The following SUN3 variants were observed in gnomAD, a reference collection of about 807,000 sequenced individuals.
The protein encoded by SUN3 is SUN domain-containing protein 3.
In SUN3, 36 loss-of-function variants were observed where a neutral mutation model predicts 48.2. The observed-to-expected ratio is 0.75, with a 90% CI of 0.57 to 0.99. The LOEUF is 0.99. Ranked by LOEUF, SUN3 falls within the 50% of genes least tolerant of loss-of-function variation. The pLI is 0.00. For missense variants in SUN3, 419 were observed against 433.1 expected, an observed-to-expected ratio of 0.97 and a Z score of 0.29; for synonymous variants, 148 against 147.9, an observed-to-expected ratio of 1.00 and a Z score of 0.00.
chr7:48,017,353 T>C lies in SUN3; in HGVS notation c.197A>G (p.His66Arg). The C allele has an allele frequency of 1.3e-6, 2 of 1,595,930 alleles. No homozygotes were observed. Among genetic ancestry groups the C allele is most frequent in the Non-Finnish European group, 1.7e-6 (2 of 1,167,114 alleles). The change falls in exon 3 of 10, where the codon CAT becomes CGT. Residue 66 changes from histidine (H) to arginine (R), a missense_variant. Coordinates refer to ENST00000297325, the MANE Select transcript of SUN3 (RefSeq NM_001030019.2). Reference protein sequence around the residue: ...LTFLLVGLLNHQWLKETDVPQ... With the variant: ...LTFLLVGLLNRQWLKETDVPQ... ...AACATCTGTTTCTTTAAGCCACTGA[T>C]GATTTAGGAGTCCTGTTAAAGAAAA...
chr7:48,031,286 C>T (rs578058713), upstream of SUN3, among the ~76,000 whole-genome samples: 216 of 152,284 alleles, frequency 1.4e-3, 1 homozygote, highest in African/African-American at 4.8e-3. Flanking sequence ...AAAAGCTACT[C>T]AACATCATTA....
intron 6 of SUN3, among the ~76,000 whole-genome samples, chr7:47,999,019 C>T (rs79632149): frequency 0.024 from 3,719 of 152,180 alleles, 149 homozygotes; most frequent in African/African-American, 0.085. Flanking sequence ...AAATGGTTGT[C>T]AATTTCTACA....
intron 1 of SUN3, 67 bp from the exon 2 acceptor site, chr7:48,026,005 G>A (rs2128784482): frequency 9.5e-7 from 1 of 1,047,278 alleles, no homozygotes. Flanking sequence ...TTGGACTTTA[G>A]CCACTACACT....
intron 1 of SUN3, among the ~76,000 whole-genome samples, chr7:48,026,573 CA>C (rs376494823): frequency 5.0e-4 from 65 of 128,740 alleles, no homozygotes; most frequent in African/African-American, 1.6e-3. Flanking sequence ...AATTGCACCC[CA>C]CCCCCCAACA....
chr7:48,011,420 CCTTG>C (rs989613637), intron 3 of SUN3, among the ~76,000 whole-genome samples: 1 of 152,116 alleles, frequency 6.6e-6, no homozygotes, highest in Non-Finnish European at 1.5e-5. Flanking sequence ...AAAAATATTG[CCTTG>C]CTTTTGTTCT....
chr7:48,007,866 C>T (rs1235581404), intron 4 of SUN3, among the ~76,000 whole-genome samples: 2 of 151,820 alleles, frequency 1.3e-5, no homozygotes, highest in African/African-American at 4.8e-5. Context: ...CTCTGTCCCC[C>T]AGGCTGGAGT....
At chr7:48,003,030 T>C (rs79775865) in intron 6 of SUN3, among the ~76,000 whole-genome samples, 25 of 77,392 alleles carry the variant, frequency 3.2e-4, no homozygotes, top group Middle Eastern at 5.1e-3. Context: ...CAGGGTTTTC[T>C]TTTTTTTTTT....
At chr7:47,998,117 G>A (rs1388394594) in intron 6 of SUN3, among the ~76,000 whole-genome samples, 1 of 152,196 alleles carries the variant, frequency 6.6e-6, no homozygotes, top group East Asian at 1.9e-4. Flanking sequence ...GGTCAATAAG[G>A]TGTTATATTG....
chr7:48,025,819 C>T (rs946491028), intron 2 of SUN3, 58 bp downstream of exon 2: 1 of 1,206,722 alleles, frequency 8.3e-7, no homozygotes, highest in African/African-American at 1.5e-5. Flanking sequence ...AGATCTCTCT[C>T]ACCAGGCAGA....
At chr7:48,006,477 T>C (rs559711393) in intron 5 of SUN3, among the ~76,000 whole-genome samples, 2 of 152,216 alleles carry the variant, frequency 1.3e-5, no homozygotes, top group Admixed American at 6.5e-5. Context: ...ACAGACTACA[T>C]GATTGCTTAT....
intron 7 of SUN3, 121 bp downstream of exon 7, chr7:47,995,910 A>G (rs545739634): frequency 7.3e-6 from 4 of 547,358 alleles, no homozygotes; most frequent in Non-Finnish European, 1.3e-5. Flanking sequence ...AGATGATTTC[A>G]GATTCTGTGA....
rs934291058 is a variant in SUN3 at position 48,002,375 on chromosome 7, G to A, written c.577+3594C>T. Among the ~76,000 whole-genome samples the A allele has an allele frequency of 2.3e-5, 3 of 128,616 alleles. 1 individual carries two copies. Among genetic ancestry groups the A allele is most frequent in the African/African-American group, 1.0e-4 (2 of 19,588 alleles). 84.4% of individuals were successfully genotyped at this position (128,616 alleles called of 152,430 possible). ...GGGTTTCACCGTTTTAGCCAGGATG[G>A]TCTCGATCTCCTGACCTCGTGATCC... On this transcript the variant is annotated intron_variant, in intron 6 of 9. Coordinates refer to ENST00000297325, the MANE Select transcript of SUN3 (RefSeq NM_001030019.2).
intron 8 of SUN3, among the ~76,000 whole-genome samples, 173 bp downstream of exon 8, chr7:47,994,142 T>A (rs566026898): frequency 6.6e-6 from 1 of 152,140 alleles, no homozygotes; most frequent in Admixed American, 6.5e-5. Context: ...AAAGTAAAAA[T>A]AATAATATAA....
chr7:48,002,782 T>C (rs1395493231), intron 6 of SUN3, among the ~76,000 whole-genome samples: 1 of 152,216 alleles, frequency 6.6e-6, no homozygotes, highest in Non-Finnish European at 1.5e-5. Context: ...GCTTTTGATG[T>C]CTTTGTCGTG....
chr7:48,009,541 C>T (rs534387165), intron 3 of SUN3, among the ~76,000 whole-genome samples: 7 of 152,126 alleles, frequency 4.6e-5, no homozygotes, highest in Admixed American at 4.6e-4. Context: ...AGGAGGGGGA[C>T]TCCCACTTAC....
chr7:47,987,556 T>C, intron 9 of SUN3, 107 bp from the exon 10 acceptor site: 1 of 1,113,006 alleles, frequency 9.0e-7, no homozygotes, highest in South Asian at 2.0e-5. Flanking sequence ...TTTTTCGAGA[T>C]AGGATCTGGC....
intron 6 of SUN3, among the ~76,000 whole-genome samples, chr7:48,003,446 G>C (rs1379986230): frequency 6.6e-6 from 1 of 152,124 alleles, no homozygotes; most frequent in African/African-American, 2.4e-5. Context: ...CTGTGAAGAA[G>C]GTCAATGGTA....
chr7:47,995,933 C>G (rs947114130), intron 7 of SUN3, 98 bp downstream of exon 7: 29 of 684,022 alleles, frequency 4.2e-5, no homozygotes, highest in Non-Finnish European at 6.4e-5. Flanking sequence ...AGTTCAGACA[C>G]TCTTATATTG....
intron 6 of SUN3, 69 bp downstream of exon 6, chr7:48,005,898 TAG>T: frequency 1.1e-6 from 1 of 907,244 alleles, no homozygotes; most frequent in Admixed American, 2.7e-5. Flanking sequence ...TAAACAAATG[TAG>T]AGAATAGGGA....
Sources: allele counts gnomAD v4.1 joint callset (sites outside exome capture counted in the v4.1 genomes callset), GRCh38; gene constraint gnomAD v4.1.1; transcripts MANE v1.5; gene names NCBI Gene and HGNC (gene_info 2026-07-23, HGNC 2026-07-21).